FRMPD4: variants seen among roughly 807,000 people sequenced by gnomAD.
The protein encoded by FRMPD4 is FERM and PDZ domain containing 4, also known as FERM and PDZ domain-containing protein 4.
Under a neutral mutation model 94.1 loss-of-function variants are expected in FRMPD4, and 22 were observed. That is an observed-to-expected ratio of 0.23 (90% confidence interval 0.17 to 0.33). The LOEUF is 0.33. Ranked by LOEUF, FRMPD4 falls within the 10% of genes least tolerant of loss-of-function variation. FRMPD4 has a pLI of 1.00. For synonymous variants in FRMPD4, 631 were observed against 548.6 expected (o/e 1.15, Z -2.10); for missense variants, 1,111 against 1,339.9 (o/e 0.83, Z 2.67).
intron 2 of FRMPD4, among the ~76,000 whole-genome samples, chrX:12,539,924 G>A (rs1313558922): frequency 2.5e-4 from 28 of 112,147 alleles, no homozygotes; most frequent in African/African-American, 6.5e-4. Flanking sequence ...ATGAGCCACC[G>A]CGCCCAGCTT....
At chrX:12,022,110 C>T (rs947804920) in intron 3 of FRMPD4, among the ~76,000 whole-genome samples, 10 of 112,413 alleles carry the variant, frequency 8.9e-5, no homozygotes, top group South Asian at 3.7e-4. Context: ...ATGTGTCATT[C>T]GTTTGTGTCC....
chrX:12,280,317 G>A (rs1458133939), intron 1 of FRMPD4, among the ~76,000 whole-genome samples: 1 of 109,580 alleles, frequency 9.1e-6, no homozygotes, highest in Non-Finnish European at 1.9e-5. Flanking sequence ...CTATCCTAGG[G>A]AACACATCTC....
intron 3 of FRMPD4, among the ~76,000 whole-genome samples, chrX:11,927,151 A>C (rs1269387782): frequency 5.8e-5 from 6 of 102,973 alleles, no homozygotes; most frequent in Admixed American, 1.0e-4. Context: ...AATTGCCACA[A>C]AAAAAAAAAA....
At chrX:12,629,237 A>G (rs1407705241) in intron 4 of FRMPD4, among the ~76,000 whole-genome samples, 3 of 112,279 alleles carry the variant, frequency 2.7e-5, no homozygotes, top group African/African-American at 9.7e-5. Context: ...TTCTTCTGTA[A>G]CAATCCTTTC....
chrX:12,189,057 C>T (rs915304350), intron 1 of FRMPD4, among the ~76,000 whole-genome samples: 6 of 110,612 alleles, frequency 5.4e-5, no homozygotes, highest in African/African-American at 1.3e-4. Flanking sequence ...AGACTAAGAA[C>T]GAAAGAGAGA....
intron 5 of FRMPD4, among the ~76,000 whole-genome samples, chrX:12,675,278 C>T (rs973525454): frequency 9.0e-6 from 1 of 111,068 alleles, no homozygotes; most frequent in Non-Finnish European, 1.9e-5. Flanking sequence ...TATTCTTATC[C>T]CCATCTATTT....
intron 2 of FRMPD4, among the ~76,000 whole-genome samples, chrX:12,513,307 A>G (rs1392898814): frequency 2.7e-5 from 3 of 111,807 alleles, no homozygotes; most frequent in African/African-American, 6.5e-5. Flanking sequence ...TACGTCCTGA[A>G]TGGTACTGCC....
intron 1 of FRMPD4, among the ~76,000 whole-genome samples, chrX:12,139,373 A>C (rs945815938): frequency 4.1e-4 from 45 of 111,009 alleles, no homozygotes; most frequent in Middle Eastern, 4.6e-3. Context: ...AAGTGCTTGG[A>C]GCTTGGGTGC....
chrX:12,000,571 C>T (rs1437958645), intron 3 of FRMPD4, among the ~76,000 whole-genome samples: 1 of 111,879 alleles, frequency 8.9e-6, no homozygotes, highest in Non-Finnish European at 1.9e-5. Context: ...GAGCCATCCT[C>T]TACTCATTCT....
intron 4 of FRMPD4, among the ~76,000 whole-genome samples, chrX:12,655,979 T>C (rs888725048): frequency 8.9e-6 from 1 of 112,333 alleles, no homozygotes; most frequent in Non-Finnish European, 1.9e-5. Context: ...GACAAAGCTT[T>C]AACTACTTTT....
At chrX:12,040,900 T>C (rs2054751165) in intron 3 of FRMPD4, among the ~76,000 whole-genome samples, 1 of 111,078 alleles carries the variant, frequency 9.0e-6, no homozygotes, top group Non-Finnish European at 1.9e-5. Context: ...GCTCCTTTAC[T>C]GCTTTCTTTT....
At chrX:11,825,190 T>TTGTGTGTGTGTGTGTG (rs747320680) in intron 1 of FRMPD4, among the ~76,000 whole-genome samples, 1 of 80,162 alleles carries the variant, frequency 1.2e-5, no homozygotes, top group African/African-American at 4.9e-5. Context: ...TGTGTCTTCT[T>TTGTGTGTGTGTGTGTG]TGTGTGTGTG....
At chrX:12,551,882 G>T (rs1046712885) in intron 2 of FRMPD4, among the ~76,000 whole-genome samples, 1 of 111,179 alleles carries the variant, frequency 9.0e-6, no homozygotes, top group Admixed American at 9.6e-5. Context: ...ATAGTGATAT[G>T]CTAATTCTAT....
intron 1 of FRMPD4, among the ~76,000 whole-genome samples, chrX:12,332,171 CAT>C (rs1204125733): frequency 3.7e-4 from 20 of 54,668 alleles, no homozygotes; most frequent in East Asian, 1.0e-3. Flanking sequence ...TTATATTTTA[CAT>C]ATATATAATT....
intron 1 of FRMPD4, among the ~76,000 whole-genome samples, chrX:12,372,222 C>T (rs750987966): frequency 2.7e-5 from 3 of 112,732 alleles, no homozygotes; most frequent in Non-Finnish European, 3.7e-5. Flanking sequence ...ATGTCAGCCA[C>T]GGGCAGCTTC....
intron 3 of FRMPD4, among the ~76,000 whole-genome samples, chrX:11,950,991 G>A (rs750377807): frequency 2.4e-4 from 25 of 104,992 alleles, no homozygotes; most frequent in Admixed American, 1.8e-3. Flanking sequence ...CCTGGGAGGC[G>A]GAGGTTGCAG....
At chrX:12,391,709 G>A (rs1015601673) in intron 1 of FRMPD4, among the ~76,000 whole-genome samples, 1 of 111,311 alleles carries the variant, frequency 9.0e-6, no homozygotes, top group Non-Finnish European at 1.9e-5. Context: ...GAAAATATCT[G>A]GAGCTACCTA....
At chrX:11,928,759 G>GAATT (rs1176371982) in intron 3 of FRMPD4, among the ~76,000 whole-genome samples, 5 of 112,151 alleles carry the variant, frequency 4.5e-5, no homozygotes, top group Non-Finnish European at 9.4e-5. Flanking sequence ...CCCATTACTG[G>GAATT]GTATATACCC....
chrX:12,047,801 C>T (rs906184808), intron 3 of FRMPD4, among the ~76,000 whole-genome samples: 2 of 112,415 alleles, frequency 1.8e-5, no homozygotes, highest in African/African-American at 6.5e-5. Context: ...CTCCAGCTGT[C>T]CATGCTGCTG....
Sources: gnomAD v4.1 joint callset for allele counts (sites outside exome capture counted in the v4.1 genomes callset) on GRCh38, gnomAD v4.1.1 for gene constraint, MANE v1.5 for transcripts, NCBI Gene and HGNC (gene_info 2026-07-23, HGNC 2026-07-21) for gene names.